KCNIP3: variants seen among roughly 807,000 people sequenced by gnomAD.
The protein encoded by KCNIP3 is calsenilin.
In KCNIP3, 28 loss-of-function variants were observed where a neutral mutation model predicts 35.0. That is an observed-to-expected ratio of 0.80 (90% CI 0.59 to 1.10). The LOEUF is 1.10. Among genes scored for constraint, KCNIP3 ranks in the 50% least tolerant of loss-of-function variants. The probability of loss-of-function intolerance (pLI) is 0.00; values close to 1 mark genes in which losing one functional copy is unlikely to be tolerated. For synonymous variants in KCNIP3, 134 were observed against 133.8 expected, an observed-to-expected ratio of 1.00 and a Z score of -0.01; for missense variants, 295 against 338.4, an observed-to-expected ratio of 0.87 and a Z score of 1.01.
At position 95,374,931 on chromosome 2, in the gene KCNIP3, A is replaced by G. The variant is rs1558778193; in HGVS notation, c.376+14A>G. ...TCCCTCAGGGAGGTGAGTCTGAGGC[A>G]GGGCAGCCCTGCTGTGTCCCAGTGT... is the stretch of plus-strand genomic sequence containing the variant. On this transcript the variant is annotated intron_variant, in intron 4 of 8. Coordinates refer to ENST00000295225, the MANE Select transcript of KCNIP3 (RefSeq NM_013434.5). The G allele has an allele frequency of 6.2e-7, 1 of 1,613,634 alleles. No individual in the cohort carries two copies. Among genetic ancestry groups the G allele is most frequent in the South Asian group, 1.1e-5 (1 of 91,092 alleles).
chr2:95,371,650 C>A (rs1680044434), intron 2 of KCNIP3, among the ~76,000 whole-genome samples: 1 of 152,040 alleles, frequency 6.6e-6, no homozygotes, highest in African/African-American at 2.4e-5. Context: ...TTTTTTGTTT[C>A]TCTCTTTAGT....
At chr2:95,351,122 C>T (rs997147719) in intron 2 of KCNIP3, among the ~76,000 whole-genome samples, 8 of 152,392 alleles carry the variant, frequency 5.2e-5, no homozygotes, top group African/African-American at 1.4e-4. Context: ...TTGGGCCCAG[C>T]GGCTTCTCTC....
At chr2:95,362,686 G>C (rs1362832815) in intron 2 of KCNIP3, among the ~76,000 whole-genome samples, 1 of 152,256 alleles carries the variant, frequency 6.6e-6, no homozygotes, top group South Asian at 2.1e-4. Context: ...GCTCAGGCAG[G>C]AATGCGAGCA....
intron 1 of KCNIP3, among the ~76,000 whole-genome samples, chr2:95,305,150 G>T (rs1678137510): frequency 6.6e-6 from 1 of 152,354 alleles, no homozygotes; most frequent in Middle Eastern, 3.4e-3. Flanking sequence ...GACAATGACA[G>T]TTCTGTCACC....
Position 95,382,516 on chromosome 2 carries a change from C to A in KCNIP3, c.660+35C>A. On this transcript the variant is annotated intron_variant, in intron 7 of 8. Transcript: ENST00000295225. The surrounding 1 kb of genome is among the most constrained non-coding windows in gnomAD (Gnocchi z 4.5). ...CGCCAGCCCTGCCTAGGGAGGGGAG[C>A]CTGGCAGAGGAAGGGGCTCTCGCTT... is the stretch of plus-strand genomic sequence containing the variant. The A allele has an allele frequency of 6.7e-7, 1 of 1,492,050 alleles. No homozygotes were observed. The allele number at this position is 1,492,050 out of a possible 1,614,324, so 92.4% of individuals were successfully genotyped here.
chr2:95,327,010 G>A (rs868519773), intron 2 of KCNIP3, among the ~76,000 whole-genome samples: 1 of 152,208 alleles, frequency 6.6e-6, no homozygotes, highest in Non-Finnish European at 1.5e-5. Context: ...CACAGTGCTC[G>A]GCACGTGCCG....
intron 1 of KCNIP3, among the ~76,000 whole-genome samples, chr2:95,304,381 T>C (rs11684745): frequency 5.3e-5 from 8 of 152,158 alleles, no homozygotes; most frequent in Admixed American, 3.3e-4. Context: ...CCACCCATGG[T>C]CTGTGGCCTG....
At chr2:95,362,750 C>T (rs1321780714) in intron 2 of KCNIP3, among the ~76,000 whole-genome samples, 2 of 152,220 alleles carry the variant, frequency 1.3e-5, no homozygotes, top group African/African-American at 4.8e-5. Flanking sequence ...CTGCCGCCCA[C>T]CTCCTGCTGT....
intron 2 of KCNIP3, among the ~76,000 whole-genome samples, chr2:95,356,213 A>C (rs934978057): frequency 3.3e-5 from 5 of 151,242 alleles, no homozygotes; most frequent in African/African-American, 1.2e-4. Context: ...TTTTCTTGTA[A>C]ATTTGTTTGG....
intron 2 of KCNIP3, among the ~76,000 whole-genome samples, chr2:95,321,282 G>A (rs965374186): frequency 2.0e-5 from 3 of 152,148 alleles, no homozygotes; most frequent in African/African-American, 7.2e-5. Flanking sequence ...CCTGGCTGTT[G>A]GGACTTCTCT....
At position 95,384,665 on chromosome 2, in the gene KCNIP3, C is replaced by T. The variant is rs1181952503; in HGVS notation, c.*616C>T. On this transcript the variant is annotated 3_prime_UTR_variant, in exon 9 of 9. Coordinates refer to ENST00000295225, the MANE Select transcript of KCNIP3 (RefSeq NM_013434.5). ...GGTCCCAGGATCCCCTGCTACTCCA[C>T]TGACCTGGAAGAGCTGGGTACCAGG... is the stretch of plus-strand genomic sequence containing the variant. 6.5e-6 allele frequency: 1 copy of T among 152,842 alleles called. No homozygotes were observed. The highest frequency in any genetic ancestry group is 1.5e-5 in the Non-Finnish European group (1 of 68,508). 9.5% of individuals were successfully genotyped at this position (152,842 alleles called of 1,614,324 possible). A position where few individuals can be genotyped will look rare whatever the true frequency, so the allele number is the denominator to read the frequency against.
chr2:95,326,888 C>G (rs1449540265), intron 2 of KCNIP3, among the ~76,000 whole-genome samples: 1 of 152,218 alleles, frequency 6.6e-6, no homozygotes, highest in Non-Finnish European at 1.5e-5. Context: ...CTCGGCAGGG[C>G]ACTCATGCGT....
chr2:95,304,978 G>C (rs1381986397), intron 1 of KCNIP3, among the ~76,000 whole-genome samples: 2 of 152,174 alleles, frequency 1.3e-5, no homozygotes, highest in Non-Finnish European at 2.9e-5. Context: ...CTTTGAGAAG[G>C]CTGCAGGTCC....
chr2:95,325,512 C>T (rs1164320086), intron 2 of KCNIP3, among the ~76,000 whole-genome samples: 5 of 152,110 alleles, frequency 3.3e-5, no homozygotes, highest in Non-Finnish European at 5.9e-5. Flanking sequence ...CCATTGTCCC[C>T]TACCCCCAAA....
At chr2:95,298,002 G>C (rs1677919422) in intron 1 of KCNIP3, among the ~76,000 whole-genome samples, 1 of 152,234 alleles carries the variant, frequency 6.6e-6, no homozygotes, top group Non-Finnish European at 1.5e-5. Flanking sequence ...CCTAACAAGA[G>C]CACTTCCCAC....
intron 2 of KCNIP3, among the ~76,000 whole-genome samples, chr2:95,364,452 G>A (rs376466172): frequency 1.3e-5 from 2 of 152,040 alleles, no homozygotes; most frequent in East Asian, 1.9e-4. Context: ...TCACTCTTGC[G>A]TTTTCTGATA....
intron 1 of KCNIP3, among the ~76,000 whole-genome samples, chr2:95,309,053 G>A (rs1309488579): frequency 3.3e-5 from 5 of 152,192 alleles, no homozygotes; most frequent in African/African-American, 9.7e-5. Flanking sequence ...TGTGGGGGTG[G>A]TGCCACTGCC....
chr2:95,310,160 G>T, intron 1 of KCNIP3, 195 bp from the exon 2 acceptor site: 1 of 706,578 alleles, frequency 1.4e-6, no homozygotes. Context: ...CATAGCCAGG[G>T]TGTAGAGTGA....
chr2:95,339,425 C>T (rs1679138914), intron 2 of KCNIP3, among the ~76,000 whole-genome samples: 1 of 151,916 alleles, frequency 6.6e-6, no homozygotes, highest in Admixed American at 6.6e-5. Context: ...ACCAAAAAAA[C>T]ACACAAAAAT....
Sources: allele counts gnomAD v4.1 joint callset (sites outside exome capture counted in the v4.1 genomes callset), GRCh38; gene constraint gnomAD v4.1.1; non-coding constraint Gnocchi (gnomAD v3.1); transcripts MANE v1.5; gene names NCBI Gene and HGNC (gene_info 2026-07-23, HGNC 2026-07-21).